The following CNTN5 variants were observed in gnomAD, a reference collection of about 807,000 sequenced individuals.
CNTN5 encodes contactin-5.
A neutral mutation model predicts 129.1 loss-of-function variants in CNTN5; 77 were observed. The ratio of observed to expected loss-of-function variants is 0.60; its 90% CI spans 0.50 to 0.72. The LOEUF (loss-of-function observed/expected upper bound fraction) is 0.72, where lower values mean the gene tolerates loss of function less well. Ranked by LOEUF, CNTN5 falls within the 30% of genes least tolerant of loss-of-function variation. CNTN5 has a pLI of 0.00. For missense variants in CNTN5, 1,478 were observed against 1,328.8 expected (o/e 1.11, Z -1.75); for synonymous variants, 509 against 465.6 (o/e 1.09, Z -1.20).
At chr11:99,869,145 G>T (rs1447609552) in intron 6 of CNTN5, among the ~76,000 whole-genome samples, 2 of 152,108 alleles carry the variant, frequency 1.3e-5, no homozygotes, top group African/African-American at 4.8e-5. Flanking sequence ...AACTTTAAAA[G>T]GATCATTTCC....
rs72294394 is a variant in CNTN5, at chr11:99,169,370, A to ATGTGTGTG, written c.-210+148101_-210+148102insGTGTGTGT. Among the ~76,000 whole-genome samples, 75 of 128,574 alleles carry ATGTGTGTG rather than the reference A, an allele frequency of 5.8e-4. 1 individual carries two copies. Among genetic ancestry groups the ATGTGTGTG allele is most frequent in the Middle Eastern group, 4.3e-3 (1 of 230 alleles). The allele number at this position is 128,574 out of a possible 152,430, so 84.3% of individuals were successfully genotyped here. On this transcript the variant is annotated intron_variant, in intron 1 of 24. Transcript: ENST00000524871. ...TAAGCATGTAGATATGCAATAAGCTATATGTGTGTGTGTGTGTGTGTGTAT... is the reference window on the plus strand; with the variant it reads ...TAAGCATGTAGATATGCAATAAGCTATGTGTGTGTATGTGTGTGTGTGTGTGTGTGTAT...
chr11:99,116,549 A>G (rs1449971429), intron 1 of CNTN5, among the ~76,000 whole-genome samples: 1 of 152,206 alleles, frequency 6.6e-6, no homozygotes, highest in Non-Finnish European at 1.5e-5. Context: ...ATTGACCAAC[A>G]AAATAAATAT....
intron 7 of CNTN5, among the ~76,000 whole-genome samples, chr11:99,925,452 A>G (rs920693074): frequency 6.6e-6 from 1 of 152,206 alleles, no homozygotes; most frequent in African/African-American, 2.4e-5. Context: ...ACACTCCTTC[A>G]TTGTAAACAC....
At chr11:99,284,617 G>A (rs1289470114) in intron 1 of CNTN5, among the ~76,000 whole-genome samples, 1 of 88,208 alleles carries the variant, frequency 1.1e-5, no homozygotes, top group Non-Finnish European at 2.3e-5. Flanking sequence ...GTGTGTGTGT[G>A]TGTGTGTGTG....
chr11:100,127,379 T>C (rs952565281), intron 13 of CNTN5, among the ~76,000 whole-genome samples: 4 of 152,064 alleles, frequency 2.6e-5, no homozygotes, highest in Non-Finnish European at 4.4e-5. Context: ...TATACGTTCC[T>C]GCTTCATGTT....
At chr11:99,964,463 T>C (rs564114636) in intron 8 of CNTN5, among the ~76,000 whole-genome samples, 4 of 152,220 alleles carry the variant, frequency 2.6e-5, no homozygotes, top group South Asian at 2.1e-4. Context: ...ATTACATTTA[T>C]TGATTTGCGT....
At chr11:99,195,269 A>G (rs1344757859) in intron 1 of CNTN5, among the ~76,000 whole-genome samples, 4 of 152,112 alleles carry the variant, frequency 2.6e-5, no homozygotes, top group African/African-American at 9.7e-5. Flanking sequence ...ATTACTAGAC[A>G]TTCACTTCAT....
chr11:100,141,272 G>A (rs1805913165), intron 13 of CNTN5, among the ~76,000 whole-genome samples: 1 of 152,068 alleles, frequency 6.6e-6, no homozygotes, highest in South Asian at 2.1e-4. Flanking sequence ...CAAGGAGCAG[G>A]GAACAGGGAA....
chr11:99,403,170 C>T (rs1941908145), intron 2 of CNTN5, among the ~76,000 whole-genome samples: 1 of 151,836 alleles, frequency 6.6e-6, no homozygotes, highest in African/African-American at 2.4e-5. Flanking sequence ...CCATGCCTGG[C>T]TAATTTTTTG....
At chr11:99,503,004 A>T (rs1267521182) in intron 2 of CNTN5, among the ~76,000 whole-genome samples, 11 of 152,204 alleles carry the variant, frequency 7.2e-5, no homozygotes, top group Admixed American at 5.9e-4. Context: ...TATTAAAAAG[A>T]GTATCTAACA....
chr11:99,131,577 G>C (rs1280643043), intron 1 of CNTN5, among the ~76,000 whole-genome samples: 1 of 152,072 alleles, frequency 6.6e-6, no homozygotes, highest in Non-Finnish European at 1.5e-5. Flanking sequence ...TACCACCAAT[G>C]ACCCCACAGA....
intron 3 of CNTN5, among the ~76,000 whole-genome samples, chr11:99,778,457 A>T (rs986745169): frequency 6.6e-6 from 1 of 151,872 alleles, no homozygotes. Flanking sequence ...TTTAAAAATT[A>T]ATGTATATTA....
rs533285513 is a variant in CNTN5 at position 99,930,404 on chromosome 11, G to A, written c.673+14255G>A. On this transcript the variant is annotated intron_variant, in intron 7 of 24. Coordinates refer to ENST00000524871, the MANE Select transcript of CNTN5 (RefSeq NM_014361.4). Reference sequence around the variant, plus strand: ...TGTTCAATTCCTAGGATCTTACTGGGAGTTTGTTGCCCAAAAGCTCAAGGT... The same window carrying A: ...TGTTCAATTCCTAGGATCTTACTGGAAGTTTGTTGCCCAAAAGCTCAAGGT... Among the ~76,000 whole-genome samples, 6 of 152,202 alleles carry A rather than the reference G, an allele frequency of 3.9e-5. No individual in the cohort carries two copies. The South Asian group carries it at 1.2e-3, about 32-fold the overall frequency.
intron 9 of CNTN5, chr11:100,003,936 A>G (rs1940036660): frequency 6.6e-6 from 1 of 152,224 alleles, no homozygotes; most frequent in Admixed American, 6.5e-5. Context: ...CCCTCTACCT[A>G]AAGACCAATC....
At chr11:100,202,138 A>G (rs1354517649) in intron 15 of CNTN5, among the ~76,000 whole-genome samples, 3 of 152,070 alleles carry the variant, frequency 2.0e-5, no homozygotes, top group African/African-American at 7.2e-5. Context: ...AGAAATTTAG[A>G]AAGATAAACA....
intron 2 of CNTN5, among the ~76,000 whole-genome samples, chr11:99,365,279 T>C (rs995470046): frequency 5.9e-5 from 9 of 152,204 alleles, no homozygotes; most frequent in African/African-American, 1.9e-4. Flanking sequence ...GAAAAAGACA[T>C]ACGCATTTAG....
chr11:100,112,485 A>G (rs568863446), intron 13 of CNTN5, among the ~76,000 whole-genome samples: 14 of 152,172 alleles, frequency 9.2e-5, no homozygotes, highest in Admixed American at 2.6e-4. Flanking sequence ...AAAATGTAAC[A>G]TATATCCCTG....
At chr11:99,541,184 C>A (rs570782202) in intron 2 of CNTN5, among the ~76,000 whole-genome samples, 20 of 152,278 alleles carry the variant, frequency 1.3e-4, no homozygotes, top group African/African-American at 4.8e-4. Context: ...AGTACACTAG[C>A]TGACTGAATC....
intron 13 of CNTN5, among the ~76,000 whole-genome samples, chr11:100,140,385 G>T (rs965535753): frequency 6.6e-6 from 1 of 152,152 alleles, no homozygotes; most frequent in Non-Finnish European, 1.5e-5. Context: ...AAAGAGGCAA[G>T]AACATAGGAA....
Sources: allele counts gnomAD v4.1 joint callset (sites outside exome capture counted in the v4.1 genomes callset), GRCh38; gene constraint gnomAD v4.1.1; transcripts MANE v1.5; gene names NCBI Gene and HGNC (gene_info 2026-07-23, HGNC 2026-07-21).